The following LSM14A variants were observed in gnomAD, a reference collection of about 807,000 sequenced individuals.
LSM14A encodes LSM14A mRNA processing body assembly factor, also known as protein LSM14 homolog A.
Under a neutral mutation model 52.4 loss-of-function variants are expected in LSM14A, and 14 were observed. That is an observed-to-expected ratio of 0.27 (90% confidence interval 0.18 to 0.42). The LOEUF is 0.42. LSM14A is among the 10% of genes least tolerant of loss of function. The pLI is 1.00. For synonymous variants in LSM14A, 185 were observed against 200.3 expected (o/e 0.92, Z 0.64); for missense variants, 417 against 581.8 (o/e 0.72, Z 2.91).
At chr19:34,226,743 C>T (rs1461034498) in intron 9 of LSM14A, among the ~76,000 whole-genome samples, 2 of 152,158 alleles carry the variant, frequency 1.3e-5, no homozygotes, top group African/African-American at 4.8e-5. Context: ...GCCCTTTGTA[C>T]AGGCCTTTAG....
intron 3 of LSM14A, among the ~76,000 whole-genome samples, chr19:34,197,453 T>C (rs977638124): frequency 1.6e-5 from 2 of 123,160 alleles, no homozygotes; most frequent in African/African-American, 6.3e-5. Context: ...TTTTTTTTTT[T>C]TCTGAGGCAG....
chr19:34,213,694 C>A (rs1599710594), intron 4 of LSM14A, among the ~76,000 whole-genome samples: 1 of 152,208 alleles, frequency 6.6e-6, no homozygotes, highest in East Asian at 1.9e-4. Context: ...CCCGATGTTA[C>A]ATTCTTCAGT....
rs1288738298 is a variant in LSM14A, at chr19:34,217,396, ATCAT to A, written c.781+1741_781+1744del. On this transcript the variant is annotated intron_variant, in intron 6 of 9. Coordinates refer to ENST00000544216, the MANE Select transcript of LSM14A (RefSeq NM_015578.4). ...GTTTTGTAATATATAACATTCTAAA[ATCAT>A]TCATTTTATTAATATTTTCAAATTT... Among the ~76,000 whole-genome samples the A allele has an allele frequency of 2.6e-5, 4 of 151,790 alleles. No individual in the cohort carries two copies. The South Asian group carries it at 6.2e-4, about 24-fold the overall frequency.
intron 3 of LSM14A, among the ~76,000 whole-genome samples, chr19:34,198,782 C>G (rs978105549): frequency 3.3e-5 from 5 of 151,888 alleles, no homozygotes; most frequent in Admixed American, 6.6e-5. Context: ...GTCAGGAGAT[C>G]GAGACCATCC....
At position 34,194,788 on chromosome 19, in the gene LSM14A, G is replaced by T. The variant is rs1049103327; in HGVS notation, c.285+147G>T. ...AATTACTGGATAATGTTCTCATCTA[G>T]GTTTTTCTCTTTGTATCATAAATTA... On this transcript the variant is annotated intron_variant, in intron 2 of 9. Transcript: ENST00000544216. The T allele has an allele frequency of 5.5e-6, 4 of 732,026 alleles. No homozygotes were observed. The African/African-American group carries it at 7.2e-5, about 13-fold the overall frequency. The allele number at this position is 732,026 out of a possible 1,614,324, so 45.3% of individuals were successfully genotyped here.
chr19:34,193,218 C>G (rs1210644866), intron 1 of LSM14A, among the ~76,000 whole-genome samples: 2 of 152,214 alleles, frequency 1.3e-5, no homozygotes, highest in Non-Finnish European at 2.9e-5. Context: ...TGCAGTGCAG[C>G]CACGCTTCAG....
At chr19:34,173,686 T>A (rs534800147) in intron 1 of LSM14A, among the ~76,000 whole-genome samples, 1 of 152,282 alleles carries the variant, frequency 6.6e-6, no homozygotes, top group South Asian at 2.1e-4. Flanking sequence ...AGCTCCTGAA[T>A]CTTAAAGGAA....
intron 1 of LSM14A, among the ~76,000 whole-genome samples, chr19:34,178,241 C>T (rs2069221703): frequency 6.6e-6 from 1 of 151,808 alleles, no homozygotes; most frequent in African/African-American, 2.4e-5. Context: ...GTTATCACAC[C>T]ACATAATCAA....
At chr19:34,200,295 C>T (rs2071199744) in intron 3 of LSM14A, among the ~76,000 whole-genome samples, 1 of 152,064 alleles carries the variant, frequency 6.6e-6, no homozygotes. Context: ...GAATACTGGG[C>T]TTTTAAAAAG....
chr19:34,178,873 A>G (rs2069271619), intron 1 of LSM14A, among the ~76,000 whole-genome samples: 1 of 152,120 alleles, frequency 6.6e-6, no homozygotes. Flanking sequence ...ACTCTTTGTG[A>G]CTCAAGCTCA....
chr19:34,195,524 A>G (rs188694720), intron 2 of LSM14A, among the ~76,000 whole-genome samples: 1 of 152,310 alleles, frequency 6.6e-6, no homozygotes, highest in East Asian at 1.9e-4. Flanking sequence ...GTATTTTAAC[A>G]TATTTAGATC....
chr19:34,198,943 T>C (rs1459461240), intron 3 of LSM14A, among the ~76,000 whole-genome samples: 1 of 151,602 alleles, frequency 6.6e-6, no homozygotes, highest in Non-Finnish European at 1.5e-5. Flanking sequence ...GCCAAGATCG[T>C]ACCACTGCAC....
chr19:34,190,236 A>T (rs1466556085), intron 1 of LSM14A, among the ~76,000 whole-genome samples: 1 of 152,108 alleles, frequency 6.6e-6, no homozygotes, highest in African/African-American at 2.4e-5. Context: ...TTTGTTCTTC[A>T]CAATACTACA....
At chr19:34,212,786 T>C (rs770769702) in intron 4 of LSM14A, among the ~76,000 whole-genome samples, 2 of 152,166 alleles carry the variant, frequency 1.3e-5, no homozygotes, top group Non-Finnish European at 2.9e-5. Flanking sequence ...TAGTAGGCCT[T>C]AATAGTGAAA....
Position 34,172,556 on chromosome 19 carries a change from C to T in LSM14A, c.-87C>T, listed in dbSNP as rs1307760619. The T allele has an allele frequency of 1.1e-5, 16 of 1,401,584 alleles. No homozygotes were observed. In the South Asian group the frequency reaches 2.2e-4, roughly 19 times the overall value. 86.8% of individuals were successfully genotyped at this position (1,401,584 alleles called of 1,614,324 possible). Reference sequence around the variant, plus strand: ...GGTCTGAAGCGGCTGCTGTAGGCGCCGACGGAGCGAGCGGGCGTGCGGAGC... The same window carrying T: ...GGTCTGAAGCGGCTGCTGTAGGCGCTGACGGAGCGAGCGGGCGTGCGGAGC... On this transcript the variant is annotated 5_prime_UTR_variant, in exon 1 of 10. Coordinates refer to ENST00000544216, the MANE Select transcript of LSM14A (RefSeq NM_015578.4).
chr19:34,214,909 G>GT (rs952281457), intron 4 of LSM14A, among the ~76,000 whole-genome samples: 3 of 150,424 alleles, frequency 2.0e-5, no homozygotes, highest in East Asian at 1.9e-4. Context: ...AGCTGTTGAA[G>GT]TTTTTTTTTA....
chr19:34,183,990 T>C (rs1282518278), intron 1 of LSM14A, among the ~76,000 whole-genome samples: 1 of 151,976 alleles, frequency 6.6e-6, no homozygotes, highest in African/African-American at 2.4e-5. Context: ...GTTTAGTCAG[T>C]AGCTGCCTAC....
chr19:34,179,650 G>A lies in LSM14A; in HGVS notation c.121+6887G>A, dbSNP rs190187660. 3.9e-5 allele frequency among the ~76,000 whole-genome samples: 6 copies of A among 151,944 alleles called. No individual in the cohort carries two copies. In the East Asian group the frequency reaches 9.7e-4, roughly 24 times the overall value. ...AAGGTAAGCCATGATTTTCTAAGTC[G>A]GAAGTAAAGAAAACAGCATAAAACT... On this transcript the variant is annotated intron_variant, in intron 1 of 9. Coordinates refer to ENST00000544216, the MANE Select transcript of LSM14A (RefSeq NM_015578.4).
chr19:34,188,060 A>G (rs536609418), intron 1 of LSM14A, among the ~76,000 whole-genome samples: 2 of 152,196 alleles, frequency 1.3e-5, no homozygotes, highest in Non-Finnish European at 2.9e-5. Flanking sequence ...GCTGTGGTGG[A>G]TGGATCGCTT....
Sources: allele counts gnomAD v4.1 joint callset (sites outside exome capture counted in the v4.1 genomes callset), GRCh38; gene constraint gnomAD v4.1.1; transcripts MANE v1.5; gene names NCBI Gene and HGNC (gene_info 2026-07-23, HGNC 2026-07-21).